RIMKLA: variants seen among roughly 807,000 people sequenced by gnomAD.
RIMKLA encodes ribosomal modification protein rimK like family member A, also known as N-acetylaspartylglutamate synthase A.
RIMKLA carries 14 observed loss-of-function variants against 32.7 expected under a neutral mutation model. The observed-to-expected ratio is 0.43, with a 90% CI of 0.28 to 0.67. The LOEUF (loss-of-function observed/expected upper bound fraction) is 0.67, where lower values mean the gene tolerates loss of function less well. RIMKLA is among the 30% of genes least tolerant of loss of function. RIMKLA has a pLI of 0.18. For missense variants in RIMKLA, 410 were observed against 519.0 expected (o/e 0.79, Z 2.04); for synonymous variants, 176 against 204.1 (o/e 0.86, Z 1.18).
chr1:42,399,586 C>T lies in RIMKLA; in HGVS notation c.346C>T (p.Gln116Ter), dbSNP rs751321006. The T allele has an allele frequency of 6.2e-7, 1 of 1,612,698 alleles. No homozygotes were observed. Among genetic ancestry groups the T allele is most frequent in the Non-Finnish European group, 8.5e-7 (1 of 1,179,500 alleles). ...LNCINKFWTF[Q>*]ELAGHGVPMP... Reference sequence around the variant, plus strand: ...TTGCATCAACAAATTCTGGACGTTCCAAGAACTGGCTGGACATGGGGTCCC... The same window carrying T: ...TTGCATCAACAAATTCTGGACGTTCTAAGAACTGGCTGGACATGGGGTCCC... The change falls in exon 2 of 5, where the codon CAA (glutamine) becomes TAA (stop). Residue 116 changes from glutamine (Q) to a stop codon, truncating the protein, a stop_gained. Coordinates refer to ENST00000431473, the MANE Select transcript of RIMKLA (RefSeq NM_173642.4). LOFTEE classifies it high-confidence loss of function.
rs1324519807 is a variant in RIMKLA at position 42,415,589 on chromosome 1, G to T, written c.*615G>T. On this transcript the variant is annotated 3_prime_UTR_variant, in exon 5 of 5. Transcript: ENST00000431473. The stretch of plus-strand genomic sequence containing the variant: ...GAACGTTCTTTGACTTCACAGGTTG[G>T]CAAATGTCCTGCTTTGTAACTGGGC... The T allele has an allele frequency of 6.6e-6, 1 of 152,200 alleles. No individual in the cohort carries two copies. The allele number at this position is 152,200 out of a possible 1,614,324, so 9.4% of individuals were successfully genotyped here.
intron 1 of RIMKLA, among the ~76,000 whole-genome samples, chr1:42,386,751 G>A (rs1642951786): frequency 1.3e-5 from 2 of 151,648 alleles, no homozygotes; most frequent in Admixed American, 6.6e-5. Flanking sequence ...CAGGCTTGGT[G>A]GCATGCACCT....
chr1:42,412,346 T>A (rs186405259), intron 4 of RIMKLA: 1 of 183,592 alleles, frequency 5.4e-6, no homozygotes, highest in African/African-American at 2.4e-5. Flanking sequence ...TCTCTCTTTT[T>A]TTTTGGTCCA....
intron 1 of RIMKLA, among the ~76,000 whole-genome samples, chr1:42,399,136 A>G (rs1363215075): frequency 1.3e-5 from 2 of 152,146 alleles, no homozygotes; most frequent in Non-Finnish European, 2.9e-5. Flanking sequence ...AGGTGACTGT[A>G]TATCTCCTGT....
Position 42,391,636 on chromosome 1 carries a change from A to G in RIMKLA, c.164-7768A>G, listed in dbSNP as rs115304495. 8.9e-3 allele frequency among the ~76,000 whole-genome samples: 1,353 copies of G among 152,230 alleles called. 28 individuals are homozygous for G. Among genetic ancestry groups the G allele is most frequent in the African/African-American group, 0.03 (1,255 of 41,516 alleles). On this transcript the variant is annotated intron_variant, in intron 1 of 4. Coordinates refer to ENST00000431473, the MANE Select transcript of RIMKLA (RefSeq NM_173642.4). Reference sequence around the variant, plus strand: ...CATTGAGTTTCAGAGGGCAGAGTGGAGATGGGAAGAGGTGGAGGGTGGAAT... The same window carrying G: ...CATTGAGTTTCAGAGGGCAGAGTGGGGATGGGAAGAGGTGGAGGGTGGAAT...
At chr1:42,392,947 G>A (rs939088062) in intron 1 of RIMKLA, among the ~76,000 whole-genome samples, 6 of 152,242 alleles carry the variant, frequency 3.9e-5, no homozygotes, top group South Asian at 2.1e-4. Context: ...AGCCGAGATC[G>A]CGCCATTGCA....
At chr1:42,402,577 A>G (rs1643109075) in intron 2 of RIMKLA, among the ~76,000 whole-genome samples, 1 of 144,716 alleles carries the variant, frequency 6.9e-6, no homozygotes, top group South Asian at 2.2e-4. Context: ...CCAGAAAGGA[A>G]TCCACCTGGC....
At chr1:42,396,664 C>T (rs1490822144) in intron 1 of RIMKLA, among the ~76,000 whole-genome samples, 1 of 152,190 alleles carries the variant, frequency 6.6e-6, no homozygotes, top group African/African-American at 2.4e-5. Flanking sequence ...GACGTTTTTG[C>T]TGCTTCTCGT....
intron 1 of RIMKLA, among the ~76,000 whole-genome samples, chr1:42,385,791 C>CTTTG (rs1642933534): frequency 9.1e-6 from 1 of 109,584 alleles, no homozygotes; most frequent in Non-Finnish European, 2.0e-5. Flanking sequence ...TTGTTTGTTT[C>CTTTG]TTTCTTTCTC....
chr1:42,411,276 A>C (rs1370947113), intron 4 of RIMKLA, among the ~76,000 whole-genome samples: 1 of 151,664 alleles, frequency 6.6e-6, no homozygotes, highest in Non-Finnish European at 1.5e-5. Context: ...TTGAGGCTGC[A>C]GTGAGCTATG....
intron 2 of RIMKLA, among the ~76,000 whole-genome samples, chr1:42,402,753 G>A (rs994069505): frequency 4.6e-5 from 7 of 152,018 alleles, no homozygotes. Flanking sequence ...ACCACACCCA[G>A]CTAATTTTTG....
intron 1 of RIMKLA, among the ~76,000 whole-genome samples, chr1:42,384,347 C>T (rs1001716346): frequency 1.3e-5 from 2 of 151,944 alleles, no homozygotes; most frequent in East Asian, 1.9e-4. Context: ...TACCCATCTC[C>T]GTTTCCTTTT....
rs1193391974 is a variant in RIMKLA at position 42,385,865 on chromosome 1, T to C, written c.163+4768T>C. ...CTTTCTCTTTCTTTCTTTCTTTCTTTCTTTCTTTCTTTCTTTCTTTCTTTC... is the reference window on the plus strand; with the variant it reads ...CTTTCTCTTTCTTTCTTTCTTTCTTCCTTTCTTTCTTTCTTTCTTTCTTTC... On this transcript the variant is annotated intron_variant, in intron 1 of 4. Transcript: ENST00000431473. 2.6e-3 allele frequency among the ~76,000 whole-genome samples: 151 copies of C among 57,066 alleles called. 1 individual carries two copies. Among genetic ancestry groups the C allele is most frequent in the Middle Eastern group, 0.013 (1 of 76 alleles). 37.4% of individuals were successfully genotyped at this position (57,066 alleles called of 152,430 possible).
intron 1 of RIMKLA, among the ~76,000 whole-genome samples, chr1:42,397,470 C>T (rs1056019352): frequency 4.6e-5 from 7 of 152,162 alleles, no homozygotes; most frequent in African/African-American, 1.4e-4. Flanking sequence ...TGCCTGTAAT[C>T]GCAGCACTTT....
rs914490472 is a variant in RIMKLA at position 42,416,259 on chromosome 1, A to C, written c.*1285A>C. 6.6e-6 allele frequency: 1 copy of C among 152,190 alleles called. No individual in the cohort carries two copies. The highest frequency in any genetic ancestry group is 1.5e-5 in the Non-Finnish European group (1 of 68,044). 9.4% of individuals were successfully genotyped at this position (152,190 alleles called of 1,614,324 possible). A position where few individuals can be genotyped will look rare whatever the true frequency, so the allele number is the denominator to read the frequency against. On this transcript the variant is annotated 3_prime_UTR_variant, in exon 5 of 5. Coordinates refer to ENST00000431473, the MANE Select transcript of RIMKLA (RefSeq NM_173642.4). ...CCACCTTTTTAACCAAATACACTAG[A>C]ACATATGCACTCAAGAGTTAGCATA...
At chr1:42,389,013 TG>T (rs1371364853) in intron 1 of RIMKLA, among the ~76,000 whole-genome samples, 1 of 152,162 alleles carries the variant, frequency 6.6e-6, no homozygotes, top group East Asian at 1.9e-4. Context: ...GAAAAGTGAC[TG>T]GGTTTGGGCA....
chr1:42,411,647 A>AT (rs1205587230), intron 4 of RIMKLA, among the ~76,000 whole-genome samples: 1 of 144,144 alleles, frequency 6.9e-6, no homozygotes, highest in East Asian at 2.0e-4. Context: ...TTTTATTTTT[A>AT]TTATTTATTT....
chr1:42,390,308 G>T (rs544787243), intron 1 of RIMKLA, among the ~76,000 whole-genome samples: 1 of 152,320 alleles, frequency 6.6e-6, no homozygotes, highest in African/African-American at 2.4e-5. Flanking sequence ...AAAGTGCTGG[G>T]ATTACAGGCG....
intron 3 of RIMKLA, among the ~76,000 whole-genome samples, chr1:42,408,889 G>A (rs1643171622): frequency 1.3e-5 from 2 of 152,038 alleles, no homozygotes; most frequent in African/African-American, 4.8e-5. Flanking sequence ...CTCTGCTCAG[G>A]TCTGTTAACT....
Sources: gnomAD v4.1 joint callset for allele counts (sites outside exome capture counted in the v4.1 genomes callset) on GRCh38, gnomAD v4.1.1 for gene constraint, MANE v1.5 for transcripts, NCBI Gene and HGNC (gene_info 2026-07-23, HGNC 2026-07-21) for gene names.